RNF138: variants seen among roughly 807,000 people sequenced by gnomAD.
RNF138 encodes ring finger protein 138, also known as E3 ubiquitin-protein ligase RNF138.
A neutral mutation model predicts 31.0 loss-of-function variants in RNF138; 12 were observed. That is an observed-to-expected ratio of 0.39 (90% CI 0.25 to 0.63). The LOEUF (loss-of-function observed/expected upper bound fraction) is 0.63. Ranked by LOEUF, RNF138 falls within the 20% of genes least tolerant of loss-of-function variation. RNF138 has a pLI of 0.52. For synonymous variants in RNF138, 105 were observed against 99.5 expected (o/e 1.06, Z -0.33); for missense variants, 192 against 300.1 (o/e 0.64, Z 2.66).
At chr18:32,094,423 G>A (rs928124956) in intron 2 of RNF138, among the ~76,000 whole-genome samples, 2 of 152,062 alleles carry the variant, frequency 1.3e-5, no homozygotes, top group African/African-American at 4.8e-5. Context: ...TGCCAGTTAC[G>A]CTTTTGCTCT....
At position 32,130,100 on chromosome 18, in the gene RNF138, A is replaced by G. The variant is rs751782557; in HGVS notation, c.*913A>G. ...TATATATACATATACTTTTGTGTGT[A>G]TATATACACATATGTGTGTATGCAG... On this transcript the variant is annotated 3_prime_UTR_variant, in exon 8 of 8. Coordinates refer to ENST00000261593, the MANE Select transcript of RNF138 (RefSeq NM_016271.5). 2.0e-5 allele frequency: 3 copies of G among 152,562 alleles called. No individual in the cohort carries two copies. Among genetic ancestry groups the G allele is most frequent in the East Asian group, 1.9e-4 (1 of 5,190 alleles). 9.5% of individuals were successfully genotyped at this position (152,562 alleles called of 1,614,324 possible). A position where few individuals can be genotyped will look rare whatever the true frequency, so the allele number is the denominator to read the frequency against.
chr18:32,099,136 A>G (rs1412400378), intron 2 of RNF138, among the ~76,000 whole-genome samples: 20 of 152,124 alleles, frequency 1.3e-4, no homozygotes, highest in Admixed American at 1.3e-3. Flanking sequence ...AGTTGAGAGA[A>G]ATGTAAAGAG....
Position 32,111,862 on chromosome 18 carries a change from A to G in RNF138, c.219A>G (p.Leu73=). The G allele has an allele frequency of 6.2e-7, 1 of 1,613,862 alleles. No individual in the cohort carries two copies. Among genetic ancestry groups the G allele is most frequent in the Non-Finnish European group, 8.5e-7 (1 of 1,179,904 alleles). The part of the protein sequence containing the change: ...RRERACPERA[L]DLENIMRKFS... Reference sequence around the variant, plus strand: ...AGAGAGCATGTCCTGAACGGGCCTTAGACCTTGAAAATATAATGAGGAAGT... The same window carrying G: ...AGAGAGCATGTCCTGAACGGGCCTTGGACCTTGAAAATATAATGAGGAAGT... Residue 73 remains leucine (L), a synonymous_variant, in exon 3 of 8, where the codon TTA becomes TTG. Coordinates refer to ENST00000261593, the MANE Select transcript of RNF138 (RefSeq NM_016271.5).
chr18:32,104,468 A>T (rs2039995904), intron 2 of RNF138, among the ~76,000 whole-genome samples: 1 of 152,208 alleles, frequency 6.6e-6, no homozygotes, highest in Non-Finnish European at 1.5e-5. Flanking sequence ...CAGGTTTTAG[A>T]CAATTCAGTG....
At chr18:32,101,807 A>G (rs1399129166) in intron 2 of RNF138, among the ~76,000 whole-genome samples, 1 of 152,184 alleles carries the variant, frequency 6.6e-6, no homozygotes, top group Non-Finnish European at 1.5e-5. Flanking sequence ...TACAGTTCAT[A>G]GTGGTGTCTA....
At chr18:32,093,548 G>A (rs144967702) in intron 2 of RNF138, among the ~76,000 whole-genome samples, 2,429 of 152,166 alleles carry the variant, frequency 0.016, 34 homozygotes, top group African/African-American at 0.041. Context: ...CAGGATTTTC[G>A]GGCATTGAAA....
chr18:32,100,558 C>G (rs1297500203), intron 2 of RNF138, among the ~76,000 whole-genome samples: 1 of 149,336 alleles, frequency 6.7e-6, no homozygotes, highest in Admixed American at 6.8e-5. Context: ...TCACTGCAAC[C>G]TCCGTCTCCC....
intron 2 of RNF138, among the ~76,000 whole-genome samples, chr18:32,106,373 A>G (rs2040028109): frequency 6.6e-6 from 1 of 152,122 alleles, no homozygotes; most frequent in Non-Finnish European, 1.5e-5. Context: ...TATCCAGAAG[A>G]TGCAGTTCTA....
chr18:32,107,897 C>G (rs1373334524), intron 2 of RNF138, among the ~76,000 whole-genome samples: 1 of 152,014 alleles, frequency 6.6e-6, no homozygotes, highest in Non-Finnish European at 1.5e-5. Flanking sequence ...GATTCTCGCT[C>G]TGTCGCCCAG....
intron 4 of RNF138, among the ~76,000 whole-genome samples, chr18:32,120,107 G>C (rs1199689054): frequency 6.6e-6 from 1 of 151,942 alleles, no homozygotes; most frequent in African/African-American, 2.4e-5. Context: ...TAAATAGCAG[G>C]CACCTTTTCT....
At chr18:32,111,680 C>T in intron 2 of RNF138, 74 bp from the exon 3 acceptor site, 2 of 1,171,660 alleles carry the variant, frequency 1.7e-6, no homozygotes, top group Non-Finnish European at 2.4e-6. Context: ...TTTATAATCA[C>T]TTGTTTGTAT....
intron 2 of RNF138, among the ~76,000 whole-genome samples, chr18:32,095,150 G>A (rs2039781762): frequency 6.9e-6 from 1 of 145,240 alleles, no homozygotes; most frequent in Admixed American, 7.3e-5. Flanking sequence ...TTTAGTGGGG[G>A]AATTGGAGAG....
At chr18:32,109,105 T>A (rs2040083362) in intron 2 of RNF138, among the ~76,000 whole-genome samples, 1 of 152,102 alleles carries the variant, frequency 6.6e-6, no homozygotes, top group Non-Finnish European at 1.5e-5. Flanking sequence ...TTGGTTCATA[T>A]CCTCCCTAAC....
intron 2 of RNF138, among the ~76,000 whole-genome samples, chr18:32,094,827 A>G (rs1318910179): frequency 3.3e-5 from 5 of 152,132 alleles, no homozygotes; most frequent in Non-Finnish European, 7.3e-5. Flanking sequence ...GAATCATTCT[A>G]ATTATCCTTT....
At chr18:32,125,217 G>A (rs1568241238) in intron 6 of RNF138, 1 of 164,300 alleles carries the variant, frequency 6.1e-6, no homozygotes, top group Admixed American at 6.2e-5. Context: ...TGCTGTAGGT[G>A]AAAATACCTG....
At chr18:32,101,999 C>T (rs1451879830) in intron 2 of RNF138, among the ~76,000 whole-genome samples, 1 of 151,604 alleles carries the variant, frequency 6.6e-6, no homozygotes, top group Non-Finnish European at 1.5e-5. Context: ...ACCTCAGCCT[C>T]CCAAGTAGCT....
At chr18:32,108,088 C>T (rs1472230984) in intron 2 of RNF138, among the ~76,000 whole-genome samples, 1 of 151,984 alleles carries the variant, frequency 6.6e-6, no homozygotes, top group Non-Finnish European at 1.5e-5. Flanking sequence ...CTCCTGACTT[C>T]AGGTGATCCA....
intron 4 of RNF138, among the ~76,000 whole-genome samples, chr18:32,115,263 A>G (rs1239519563): frequency 3.3e-5 from 5 of 152,204 alleles, no homozygotes; most frequent in Non-Finnish European, 5.9e-5. Context: ...TCTTAGATCC[A>G]CTTGGTCATA....
chr18:32,109,163 T>C (rs1193380041), intron 2 of RNF138, among the ~76,000 whole-genome samples: 2 of 151,670 alleles, frequency 1.3e-5, no homozygotes, highest in African/African-American at 4.8e-5. Flanking sequence ...CTTTCTTTTT[T>C]TTTTTTTTTA....
Sources: allele counts gnomAD v4.1 joint callset (sites outside exome capture counted in the v4.1 genomes callset), GRCh38; gene constraint gnomAD v4.1.1; transcripts MANE v1.5; gene names NCBI Gene and HGNC (gene_info 2026-07-23, HGNC 2026-07-21).